Variants in VCPIP1 observed in about 807,000 individuals in gnomAD.
VCPIP1 encodes valosin containing protein interacting protein 1.
A neutral mutation model predicts 85.0 loss-of-function variants in VCPIP1; 8 were observed. That is an observed-to-expected ratio of 0.09 (90% CI 0.06 to 0.17). VCPIP1 has a LOEUF of 0.17. Among genes scored for constraint, VCPIP1 ranks in the 10% least tolerant of loss-of-function variants. The probability of loss-of-function intolerance (pLI) is 1.00; values close to 1 mark genes in which losing one functional copy is unlikely to be tolerated. For missense variants in VCPIP1, 1,070 were observed against 1,486.3 expected, an observed-to-expected ratio of 0.72 and a Z score of 4.61; for synonymous variants, 543 against 544.5, an observed-to-expected ratio of 1.00 and a Z score of 0.04.
At chr8:66,639,098 C>T (rs1481719843) in intron 2 of VCPIP1, among the ~76,000 whole-genome samples, 2 of 150,670 alleles carry the variant, frequency 1.3e-5, no homozygotes, top group Non-Finnish European at 1.5e-5. Context: ...GATCCTCCCA[C>T]GTCAGCCTCA....
rs1054968539 is a variant in VCPIP1, at chr8:66,649,940, C to T, written c.2797+1518G>A. 4.0e-5 allele frequency among the ~76,000 whole-genome samples: 6 copies of T among 151,814 alleles called. No homozygotes were observed. The East Asian group carries it at 9.7e-4, about 24-fold the overall frequency. On this transcript the variant is annotated intron_variant, in intron 2 of 2. Coordinates refer to ENST00000310421, the MANE Select transcript of VCPIP1 (RefSeq NM_025054.5). Reference sequence around the variant, plus strand: ...TTTTTGGTCTCTGATTAAAGAAAAACCAAGAGAAGAAAACATTTTTTAGAA... The same window carrying T: ...TTTTTGGTCTCTGATTAAAGAAAAATCAAGAGAAGAAAACATTTTTTAGAA...
At chr8:66,655,253 T>C (rs1811088458) in intron 1 of VCPIP1, among the ~76,000 whole-genome samples, 1 of 152,234 alleles carries the variant, frequency 6.6e-6, no homozygotes, top group African/African-American at 2.4e-5. Context: ...CGCACAGTGC[T>C]GAACAGATGG....
At chr8:66,658,918 T>C (rs983317495) in intron 1 of VCPIP1, among the ~76,000 whole-genome samples, 1 of 152,120 alleles carries the variant, frequency 6.6e-6, no homozygotes, top group South Asian at 2.1e-4. Flanking sequence ...TATATCAAAA[T>C]GAAACAAGTT....
intron 1 of VCPIP1, among the ~76,000 whole-genome samples, chr8:66,659,733 C>A (rs1418390397): frequency 6.6e-6 from 1 of 152,014 alleles, no homozygotes; most frequent in Non-Finnish European, 1.5e-5. Context: ...GAGTTCGAGA[C>A]CAGCATGGGC....
At chr8:66,637,445 G>A (rs1810899227) in intron 2 of VCPIP1, among the ~76,000 whole-genome samples, 1 of 148,234 alleles carries the variant, frequency 6.7e-6, no homozygotes, top group South Asian at 2.1e-4. Context: ...TGTAATCCCA[G>A]CACTTTGGGA....
intron 2 of VCPIP1, among the ~76,000 whole-genome samples, chr8:66,637,255 G>A (rs925600009): frequency 6.6e-6 from 1 of 152,054 alleles, no homozygotes; most frequent in African/African-American, 2.4e-5. Context: ...GGAGGCTGAG[G>A]CAGGAGGATC....
In VCPIP1 at chr8:66,634,890, C is replaced by T. The variant is rs374974474; in HGVS notation, c.3280G>A (p.Gly1094Ser). The T allele has an allele frequency of 4.0e-5, 65 of 1,613,942 alleles. No homozygotes were observed. Among genetic ancestry groups the T allele is most frequent in the Non-Finnish European group, 5.3e-5 (63 of 1,179,944 alleles). Residue 1094 changes from glycine to serine, a missense_variant, in exon 3 of 3, where the codon GGC (glycine) becomes AGC (serine). Gly to Ser is a moderately conservative substitution (Grantham distance 56). Coordinates refer to ENST00000310421, the MANE Select transcript of VCPIP1 (RefSeq NM_025054.5). ...IAPGVVTMRD[G>S]RQLDPDLVEA... ...ACCAAATCAGGATCAAGCTGCCTGCCGTCTCTCATTGTTACTACTCCAGGA... is the reference window on the plus strand; with the variant it reads ...ACCAAATCAGGATCAAGCTGCCTGCTGTCTCTCATTGTTACTACTCCAGGA...
In VCPIP1 at chr8:66,665,366, T is replaced by A. The variant is rs201674919; in HGVS notation, c.1593A>T (p.Gly531=). ...SVKDVLVPDY[G]MSNLTACNWC... ...AATTACAAGCTGTTAGGTTACTCAT[T>A]CCATAGTCTGGTACCAGAACATCTT... Residue 531 remains glycine, a synonymous_variant, in exon 1 of 3, where the codon GGA becomes GGT. Coordinates refer to ENST00000310421, the MANE Select transcript of VCPIP1 (RefSeq NM_025054.5). This position sits in a 1 kb window ranked among gnomAD's most constrained non-coding sequence, Gnocchi z 4.3. The A allele has an allele frequency of 2.7e-5, 43 of 1,614,180 alleles. 1 individual carries two copies. In the East Asian group the frequency reaches 9.6e-4, roughly 36 times the overall value.
At chr8:66,658,658 T>C (rs1378673432) in intron 1 of VCPIP1, among the ~76,000 whole-genome samples, 2 of 151,932 alleles carry the variant, frequency 1.3e-5, no homozygotes. Context: ...CCGGCTAATT[T>C]TTGTATTTTT....
Position 66,633,531 on chromosome 8 carries a change from T to A in VCPIP1, c.*970A>T, listed in dbSNP as rs1205534124. On this transcript the variant is annotated 3_prime_UTR_variant, in exon 3 of 3. Coordinates refer to ENST00000310421, the MANE Select transcript of VCPIP1 (RefSeq NM_025054.5). ...AGTAAAATTTGCATCTAAACCCAAGTGAAGCCAACAAATAAACTCTTATGG... is the reference window on the plus strand; with the variant it reads ...AGTAAAATTTGCATCTAAACCCAAGAGAAGCCAACAAATAAACTCTTATGG... The A allele has an allele frequency of 1.3e-5, 2 of 149,752 alleles. No homozygotes were observed. The highest frequency in any genetic ancestry group is 3.0e-5 in the Non-Finnish European group (2 of 67,444). 9.3% of individuals were successfully genotyped at this position (149,752 alleles called of 1,614,324 possible). A position where few individuals can be genotyped will look rare whatever the true frequency, so the allele number is the denominator to read the frequency against.
chr8:66,635,672 G>A (rs1376817196), intron 2 of VCPIP1, among the ~76,000 whole-genome samples: 1 of 152,112 alleles, frequency 6.6e-6, no homozygotes, highest in African/African-American at 2.4e-5. Flanking sequence ...AGCACTTTGG[G>A]AGGCTAAGGC....
chr8:66,647,667 G>A (rs1563568614), intron 2 of VCPIP1, among the ~76,000 whole-genome samples: 2 of 152,014 alleles, frequency 1.3e-5, no homozygotes, highest in South Asian at 2.1e-4. Flanking sequence ...CTTTTCAGGT[G>A]TATGACTCAT....
intron 2 of VCPIP1, among the ~76,000 whole-genome samples, chr8:66,637,981 C>A (rs2130147359): frequency 6.6e-6 from 1 of 152,200 alleles, no homozygotes; most frequent in Middle Eastern, 3.4e-3. Flanking sequence ...CAAAACGAAA[C>A]AAAACAAAAA....
At chr8:66,658,093 T>C (rs1271006668) in intron 1 of VCPIP1, among the ~76,000 whole-genome samples, 2 of 152,154 alleles carry the variant, frequency 1.3e-5, no homozygotes, top group Non-Finnish European at 2.9e-5. Flanking sequence ...CCCAGCACTT[T>C]GGGAGGCCCA....
At chr8:66,643,884 CAAAAA>C in intron 2 of VCPIP1, among the ~76,000 whole-genome samples, 1 of 70,508 alleles carries the variant, frequency 1.4e-5, no homozygotes, top group South Asian at 5.1e-4. Flanking sequence ...AATGGACAGC[CAAAAA>C]AAAAAAAAAA....
intron 2 of VCPIP1, 34 bp downstream of exon 2, chr8:66,651,424 C>G (rs986002069): frequency 4.1e-6 from 6 of 1,473,890 alleles, no homozygotes; most frequent in Non-Finnish European, 2.8e-6. Flanking sequence ...TTCAGTAGAG[C>G]TATTATTTAA....
chr8:66,636,035 T>C (rs1318773721), intron 2 of VCPIP1, among the ~76,000 whole-genome samples: 3 of 151,092 alleles, frequency 2.0e-5, no homozygotes, highest in African/African-American at 7.3e-5. Context: ...AAGACCAGCC[T>C]GGCCAAAATG....
At chr8:66,664,204 T>C (rs765588987) in intron 1 of VCPIP1, 45 bp downstream of exon 1, 41 of 1,492,458 alleles carry the variant, frequency 2.7e-5, no homozygotes, top group Non-Finnish European at 3.5e-5. Flanking sequence ...CTCAGTGTAT[T>C]ATATTTACAA....
chr8:66,667,187 C>A lies in VCPIP1; in HGVS notation c.-229G>T. ...CCGAACGTAACGGCCACCACCCCAC[C>A]CCGCACTCACACTCACTCACTCTCG... is the stretch of plus-strand genomic sequence containing the variant. On this transcript the variant is annotated 5_prime_UTR_variant, in exon 1 of 3. Coordinates refer to ENST00000310421, the MANE Select transcript of VCPIP1 (RefSeq NM_025054.5). 1 of 829,082 alleles carries A rather than the reference C, an allele frequency of 1.2e-6. No homozygotes were observed. The highest frequency in any genetic ancestry group is 1.8e-6 in the Non-Finnish European group (1 of 569,738). The allele number at this position is 829,082 out of a possible 1,614,324, so 51.4% of individuals were successfully genotyped here.
Sources: allele counts gnomAD v4.1 joint callset (sites outside exome capture counted in the v4.1 genomes callset), GRCh38; gene constraint gnomAD v4.1.1; non-coding constraint Gnocchi (gnomAD v3.1); transcripts MANE v1.5; gene names NCBI Gene and HGNC (gene_info 2026-07-23, HGNC 2026-07-21).